The following RDH12 variants were observed in gnomAD, a reference collection of about 807,000 sequenced individuals.
RDH12 encodes the protein retinol dehydrogenase 12, also known as all-trans and 9-cis retinol dehydrogenase.
In RDH12, 21 loss-of-function variants were observed where a neutral mutation model predicts 34.0. The observed-to-expected ratio is 0.62, with a 90% CI of 0.44 to 0.89. The LOEUF is 0.89. RDH12 is among the 40% of genes least tolerant of loss of function. The pLI, the probability that RDH12 is intolerant of heterozygous loss-of-function variation, is 0.00. For missense variants in RDH12, 394 were observed against 398.6 expected (o/e 0.99, Z 0.10); for synonymous variants, 198 against 169.9 (o/e 1.17, Z -1.29).
intron 8 of RDH12, chr14:67,729,856 T>C: frequency 2.2e-6 from 1 of 457,282 alleles, no homozygotes; most frequent in Non-Finnish European, 4.4e-6. Context: ...TAGTGCTGAA[T>C]CTTATCATGA....
intron 3 of RDH12, among the ~76,000 whole-genome samples, chr14:67,723,737 G>A (rs1466898959): frequency 6.6e-6 from 1 of 152,236 alleles, no homozygotes; most frequent in Non-Finnish European, 1.5e-5. Flanking sequence ...CATATGGAAA[G>A]TGCCTAGACT....
chr14:67,729,926 A>G, intron 8 of RDH12: 1 of 414,906 alleles, frequency 2.4e-6, no homozygotes, highest in South Asian at 1.8e-5. Flanking sequence ...TCTCTTTCCC[A>G]TTCCATGACA....
At chr14:67,719,137 C>T (rs1387156097) in intron 1 of RDH12, among the ~76,000 whole-genome samples, 1 of 152,096 alleles carries the variant, frequency 6.6e-6, no homozygotes, top group Non-Finnish European at 1.5e-5. Context: ...TTGGAGGGTA[C>T]AATACAGAGG....
chr14:67,713,830 C>A (rs1351201593), intron 1 of RDH12, among the ~76,000 whole-genome samples: 5 of 152,098 alleles, frequency 3.3e-5, no homozygotes, highest in East Asian at 1.9e-4. Context: ...TCGGTTTGGT[C>A]TGGAAAGGAG....
At position 67,726,058 on chromosome 14, in the gene RDH12, G is replaced by A. The variant is rs2038181466; in HGVS notation, c.351G>A (p.Lys117=). 2 of 1,613,090 alleles carry A rather than the reference G, an allele frequency of 1.2e-6. No homozygotes were observed. Among genetic ancestry groups the A allele is most frequent in the Non-Finnish European group, 1.7e-6 (2 of 1,179,182 alleles). Residue 117 remains lysine, a synonymous_variant, in exon 6 of 9, where the codon AAG becomes AAA. Coordinates refer to ENST00000551171, the MANE Select transcript of RDH12 (RefSeq NM_152443.3). Reference sequence around the variant, plus strand: ...TTTGGTTGTGCCCTATAGAGGAAAAGCAGCTCCATATTCTGATCAACAATG... The same window carrying A: ...TTTGGTTGTGCCCTATAGAGGAAAAACAGCTCCATATTCTGATCAACAATG... The part of the protein sequence containing the change: ...AFAEGFLAEE[K]QLHILINNAG...
At chr14:67,709,340 T>C (rs1330220611) in intron 1 of RDH12, among the ~76,000 whole-genome samples, 1 of 152,224 alleles carries the variant, frequency 6.6e-6, no homozygotes, top group Admixed American at 6.5e-5. Flanking sequence ...AAAAACAGCA[T>C]GAAGCCAATT....
At chr14:67,710,708 T>A (rs955687353) in intron 1 of RDH12, among the ~76,000 whole-genome samples, 1 of 151,810 alleles carries the variant, frequency 6.6e-6, no homozygotes, top group Non-Finnish European at 1.5e-5. Context: ...AATTTTTCAC[T>A]TTTTTTTAAA....
intron 1 of RDH12, among the ~76,000 whole-genome samples, chr14:67,703,722 C>A (rs1228761426): frequency 6.6e-6 from 1 of 152,162 alleles, no homozygotes; most frequent in Non-Finnish European, 1.5e-5. Context: ...GTTGCCCAGG[C>A]TGGAGTGCAG....
At position 67,709,658 on chromosome 14, in the gene RDH12, G is replaced by T. The variant is rs2037988644; in HGVS notation, c.-275+7723G>T. Among the ~76,000 whole-genome samples the T allele has an allele frequency of 2.0e-5, 3 of 152,080 alleles. No individual in the cohort carries two copies. In the South Asian group the frequency reaches 6.2e-4, roughly 32 times the overall value. On this transcript the variant is annotated intron_variant, in intron 1 of 8. Transcript: ENST00000551171. ...AGGAGTTTAATAGCTTTAATTTCTG[G>T]CCCTGTGTTTCAGGAATACAGTTTA... is the stretch of plus-strand genomic sequence containing the variant.
chr14:67,722,848 G>A, intron 3 of RDH12, 138 bp downstream of exon 3: 1 of 795,186 alleles, frequency 1.3e-6, no homozygotes, highest in Non-Finnish European at 2.2e-6. Context: ...GAAGGAAGGG[G>A]GTGTTGTGGA....
At chr14:67,718,451 T>A (rs2038090490) in intron 1 of RDH12, among the ~76,000 whole-genome samples, 1 of 152,144 alleles carries the variant, frequency 6.6e-6, no homozygotes, top group Non-Finnish European at 1.5e-5. Flanking sequence ...TGACCAAAGG[T>A]CAAATCAGCA....
rs530518065 is a variant in RDH12, at chr14:67,723,247, T to C, written c.68+537T>C. Among the ~76,000 whole-genome samples, 6 of 152,328 alleles carry C rather than the reference T, an allele frequency of 3.9e-5. No homozygotes were observed. The South Asian group carries it at 1.2e-3, about 32-fold the overall frequency. ...GTTCTGAGTGGAGAATTTTTAAATT[T>C]CTCTTTTTTAATTTTTGCTCTGTCA... On this transcript the variant is annotated intron_variant, in intron 3 of 8. Transcript: ENST00000551171.
chr14:67,726,254 T>C (rs2038184573), intron 6 of RDH12, 99 bp downstream of exon 6: 16 of 803,394 alleles, frequency 2.0e-5, no homozygotes, highest in Non-Finnish European at 2.9e-5. Context: ...GGGGCCTTCA[T>C]AGAGCCTAGG....
At position 67,727,031 on chromosome 14, in the gene RDH12, C is replaced by G; in HGVS notation, c.499C>G (p.Pro167Ala). 1.9e-6 allele frequency: 3 copies of G among 1,613,742 alleles called. No homozygotes were observed. The highest frequency in any genetic ancestry group is 2.5e-6 in the Non-Finnish European group (3 of 1,180,048). Residue 167 changes from proline to alanine, a missense_variant, in exon 7 of 9, where the codon CCT becomes GCT. Pro to Ala is a conservative substitution (Grantham distance 27). Coordinates refer to ENST00000551171, the MANE Select transcript of RDH12 (RefSeq NM_152443.3). Reference sequence around the variant, plus strand: ...CCTGGAGCGGCTAAAGGTGTCTGCCCCTGCACGGGTGGTTAATGTGTCCTC... The same window carrying G: ...CCTGGAGCGGCTAAAGGTGTCTGCCGCTGCACGGGTGGTTAATGTGTCCTC... ...LLLERLKVSA[P>A]ARVVNVSSVA...
At chr14:67,731,334 C>T (rs1262814794) in intron 8 of RDH12, among the ~76,000 whole-genome samples, 1 of 151,284 alleles carries the variant, frequency 6.6e-6, no homozygotes, top group African/African-American at 2.4e-5. Context: ...CCTGCCTCAG[C>T]CTCCCGAGTA....
In RDH12 at chr14:67,734,137, T is replaced by C; in HGVS notation, c.*289T>C. 1 of 336,928 alleles carries C rather than the reference T, an allele frequency of 3.0e-6. No homozygotes were observed. The highest frequency in any genetic ancestry group is 5.8e-6 in the Non-Finnish European group (1 of 172,488). The allele number at this position is 336,928 out of a possible 1,614,324, so 20.9% of individuals were successfully genotyped here. A position where few individuals can be genotyped will look rare whatever the true frequency, so the allele number is the denominator to read the frequency against. ...GCAGATCCCAGGCTGGGCATGGGGG[T>C]GGCAGAAGAGCCCGAGAAATTGGGT... On this transcript the variant is annotated 3_prime_UTR_variant, in exon 9 of 9. Coordinates refer to ENST00000551171, the MANE Select transcript of RDH12 (RefSeq NM_152443.3).
At chr14:67,720,694 G>T (rs2038115071) in intron 1 of RDH12, 154 bp from the exon 2 acceptor site, 1 of 152,140 alleles carries the variant, frequency 6.6e-6, no homozygotes, top group Non-Finnish European at 1.5e-5. Context: ...TCACCTACCT[G>T]TACTTAGTAG....
At chr14:67,712,079 C>G (rs959762658) in intron 1 of RDH12, among the ~76,000 whole-genome samples, 1 of 152,060 alleles carries the variant, frequency 6.6e-6, no homozygotes, top group African/African-American at 2.4e-5. Context: ...GCCACCACAC[C>G]CAGCTAATTT....
At chr14:67,723,573 A>G (rs370351418) in intron 3 of RDH12, among the ~76,000 whole-genome samples, 25 of 152,202 alleles carry the variant, frequency 1.6e-4, no homozygotes, top group Non-Finnish European at 2.8e-4. Flanking sequence ...AAATGGACCT[A>G]CCAAGGACAG....
Sources: gnomAD v4.1 joint callset for allele counts (sites outside exome capture counted in the v4.1 genomes callset) on GRCh38, gnomAD v4.1.1 for gene constraint, MANE v1.5 for transcripts, NCBI Gene and HGNC (gene_info 2026-07-23, HGNC 2026-07-21) for gene names.